The following VSIG1 variants were observed in gnomAD, a reference collection of about 807,000 sequenced individuals.
VSIG1 encodes V-set and immunoglobulin domain-containing protein 1.
Under a neutral mutation model 20.1 loss-of-function variants are expected in VSIG1, and 11 were observed. The ratio of observed to expected loss-of-function variants is 0.55; its 90% confidence interval spans 0.34 to 0.91. VSIG1 has a LOEUF of 0.91. VSIG1 is among the 40% of genes least tolerant of loss of function. The pLI is 0.02. For synonymous variants in VSIG1, 126 were observed against 116.7 expected (o/e 1.08, Z -0.52); for missense variants, 283 against 298.8 (o/e 0.95, Z 0.39).
At chrX:108,025,231 C>A in the VSIG1 span, among the ~76,000 whole-genome samples, 39,077 of 110,867 alleles carry the variant, frequency 0.35, 5,368 homozygotes, top group Non-Finnish European at 0.42. Flanking sequence ...TAGTATAGAT[C>A]TAAGAATGAA....
chrX:108,062,967 C>T (rs891418400), intron 2 of VSIG1, among the ~76,000 whole-genome samples: 1 of 112,404 alleles, frequency 8.9e-6, no homozygotes, highest in African/African-American at 3.2e-5. Context: ...CTTGTTTATA[C>T]TCCATGCTTC....
chrX:108,026,318 T>C, the VSIG1 span, among the ~76,000 whole-genome samples: 200 of 111,685 alleles, frequency 1.8e-3, 1 homozygote, highest in African/African-American at 6.0e-3. Flanking sequence ...GCTGAACAAA[T>C]TGAATGTGGC....
At chrX:108,058,969 C>T (rs1041914841) in intron 2 of VSIG1, among the ~76,000 whole-genome samples, 3 of 110,169 alleles carry the variant, frequency 2.7e-5, no homozygotes, top group Non-Finnish European at 3.8e-5. Flanking sequence ...TATGCACGTG[C>T]GTGTGTGTGT....
intron 1 of VSIG1, among the ~76,000 whole-genome samples, chrX:108,052,084 T>C (rs1357531328): frequency 9.0e-6 from 1 of 111,055 alleles, no homozygotes; most frequent in Non-Finnish European, 1.9e-5. Flanking sequence ...CTCACCATAG[T>C]TGATAATAAT....
At chrX:108,069,703 C>T (rs936309131) in intron 3 of VSIG1, among the ~76,000 whole-genome samples, 1 of 111,975 alleles carries the variant, frequency 8.9e-6, no homozygotes, top group African/African-American at 3.2e-5. Flanking sequence ...CCTGAGCACA[C>T]GTGCCAGTTA....
intron 1 of VSIG1, among the ~76,000 whole-genome samples, chrX:108,050,129 T>C (rs2030751957): frequency 8.9e-6 from 1 of 112,770 alleles, no homozygotes; most frequent in Non-Finnish European, 1.9e-5. Flanking sequence ...AACACAGATA[T>C]TGAATCCATG....
chrX:108,020,355 TA>T, the VSIG1 span, among the ~76,000 whole-genome samples: 1 of 112,196 alleles, frequency 8.9e-6, no homozygotes, highest in Admixed American at 9.4e-5. Flanking sequence ...TATGATTTTT[TA>T]AAAAAATCAA....
intron 2 of VSIG1, among the ~76,000 whole-genome samples, chrX:108,059,679 A>G (rs941114146): frequency 8.9e-6 from 1 of 112,263 alleles, no homozygotes; most frequent in African/African-American, 3.2e-5. Context: ...GGAGTCAACT[A>G]AGAAATTATT....
intron 1 of VSIG1, among the ~76,000 whole-genome samples, chrX:108,045,960 A>G (rs1315348088): frequency 1.8e-5 from 2 of 111,797 alleles, no homozygotes; most frequent in African/African-American, 6.5e-5. Flanking sequence ...GAGGTTTACT[A>G]GGCGTATTAA....
chrX:108,061,026 G>T (rs1365848494), intron 2 of VSIG1, among the ~76,000 whole-genome samples: 1 of 112,316 alleles, frequency 8.9e-6, no homozygotes, highest in Non-Finnish European at 1.9e-5. Context: ...GAGTTCCACT[G>T]CTTACCAGGT....
the VSIG1 span, among the ~76,000 whole-genome samples, chrX:108,035,972 G>A: frequency 9.6e-6 from 1 of 104,589 alleles, no homozygotes; most frequent in African/African-American, 3.5e-5. Context: ...TTCCTCATCT[G>A]TAAAATGAGG....
the VSIG1 span, among the ~76,000 whole-genome samples, chrX:108,033,251 C>T: frequency 3.6e-5 from 4 of 112,281 alleles, no homozygotes; most frequent in African/African-American, 1.3e-4. Context: ...TCAGGAGACC[C>T]ATGTTCTACT....
At chrX:108,072,472 C>G (rs373538704) in intron 3 of VSIG1, among the ~76,000 whole-genome samples, 1 of 111,190 alleles carries the variant, frequency 9.0e-6, no homozygotes, top group Admixed American at 9.5e-5. Flanking sequence ...AGGCTGGTCT[C>G]GAACTCCTGA....
chrX:108,064,883 C>G (rs1009615150), intron 2 of VSIG1: 7 of 303,394 alleles, frequency 2.3e-5, no homozygotes, highest in Non-Finnish European at 3.1e-5. Context: ...GGTGCCAACT[C>G]AAATGAAAGT....
chrX:108,039,210 C>T, the VSIG1 span, among the ~76,000 whole-genome samples: 455 of 111,600 alleles, frequency 4.1e-3, 1 homozygote, highest in Non-Finnish European at 7.1e-3. Flanking sequence ...GATGGAGTCT[C>T]GCTCCCCAGT....
At chrX:108,055,759 C>G (rs1422857476) in intron 1 of VSIG1, among the ~76,000 whole-genome samples, 1 of 111,723 alleles carries the variant, frequency 9.0e-6, no homozygotes, top group Non-Finnish European at 1.9e-5. Context: ...AATCCAATAC[C>G]CATTCATCAT....
chrX:108,069,911 G>T (rs1344185573), intron 3 of VSIG1, among the ~76,000 whole-genome samples: 1 of 111,776 alleles, frequency 8.9e-6, no homozygotes, highest in African/African-American at 3.3e-5. Flanking sequence ...TGACTTTTGT[G>T]CTGAATGTTG....
At chrX:108,019,921 G>A in the VSIG1 span, among the ~76,000 whole-genome samples, 5 of 111,445 alleles carry the variant, frequency 4.5e-5, no homozygotes, top group Admixed American at 9.5e-5. Context: ...GGAGTCTCTC[G>A]CTTATCCTTT....
the VSIG1 span, among the ~76,000 whole-genome samples, chrX:108,034,897 C>T: frequency 1.6e-4 from 18 of 111,169 alleles, no homozygotes; most frequent in Non-Finnish European, 2.4e-4. Context: ...CCAAAGACAG[C>T]GGAAACAAAG....
Sources: gnomAD v4.1 joint callset for allele counts (sites outside exome capture counted in the v4.1 genomes callset) on GRCh38, gnomAD v4.1.1 for gene constraint, MANE v1.5 for transcripts, NCBI Gene and HGNC (gene_info 2026-07-23, HGNC 2026-07-21) for gene names.